Variants in CFAP92 observed in about 807,000 individuals in gnomAD.
CFAP92 encodes cilia and flagella associated protein 92 (putative), also known as uncharacterized protein CFAP92.
A neutral mutation model predicts 106.3 loss-of-function variants in CFAP92; 86 were observed. The ratio of observed to expected loss-of-function variants is 0.81; its 90% CI spans 0.68 to 0.97. CFAP92 has a LOEUF of 0.97. Among genes scored for constraint, CFAP92 ranks in the 50% least tolerant of loss-of-function variants. CFAP92 has a pLI of 0.00. For missense variants in CFAP92, 1,204 were observed against 1,283.8 expected (o/e 0.94, Z 0.95); for synonymous variants, 477 against 506.4 (o/e 0.94, Z 0.78).
upstream of CFAP92, among the ~76,000 whole-genome samples, chr3:129,004,888 G>A (rs117386747): frequency 4.9e-4 from 74 of 152,260 alleles, 2 homozygotes; most frequent in East Asian, 6.8e-3. Flanking sequence ...TTTGGCAGAC[G>A]TGTGAGTGTG....
intron 2 of CFAP92, 79 bp downstream of exon 2, chr3:128,992,964 T>C: frequency 6.6e-7 from 1 of 1,514,244 alleles, no homozygotes; most frequent in Non-Finnish European, 9.1e-7. Context: ...GGATGTGGGG[T>C]GTATGCGCCC....
At chr3:128,963,240 G>T (rs977167722) in intron 9 of CFAP92, among the ~76,000 whole-genome samples, 22 of 152,270 alleles carry the variant, frequency 1.4e-4, no homozygotes, top group African/African-American at 5.1e-4. Context: ...TCCTAGGCAT[G>T]CTTAGTGCGG....
At chr3:129,003,965 C>T (rs1177186801), upstream of CFAP92, 5 of 1,449,990 alleles carry the variant, frequency 3.4e-6, no homozygotes, top group South Asian at 5.3e-5. Flanking sequence ...GGAGGCCCGG[C>T]AGGTGGTGCT....
chr3:128,909,980 T>C lies in CFAP92; in HGVS notation c.*319A>G, dbSNP rs761865368. ...AGGGAGGGACCATGTGGGGGACTGG[T>C]CTAGGTAGTGAGTCCCCACTTGGAG... On this transcript the variant is annotated 3_prime_UTR_variant, in exon 16 of 16. Coordinates refer to ENST00000645291, the MANE Select transcript of CFAP92 (RefSeq NM_001394090.1). The C allele has an allele frequency of 6.2e-7, 1 of 1,609,016 alleles. No homozygotes were observed. Among genetic ancestry groups the C allele is most frequent in the South Asian group, 1.1e-5 (1 of 89,642 alleles).
chr3:128,931,491 ATGTATATG>A (rs1247211112), intron 12 of CFAP92, among the ~76,000 whole-genome samples: 1 of 136,436 alleles, frequency 7.3e-6, no homozygotes, highest in African/African-American at 3.0e-5. Context: ...ATATGTATGT[ATGTATATG>A]TATATATGTA....
intron 15 of CFAP92, chr3:128,912,482 C>T: frequency 6.3e-7 from 1 of 1,596,076 alleles, no homozygotes; most frequent in South Asian, 1.1e-5. Flanking sequence ...AAAGATCACC[C>T]ACCATCTCTC....
chr3:129,015,264 G>A, the CFAP92 span, among the ~76,000 whole-genome samples: 2 of 152,110 alleles, frequency 1.3e-5, no homozygotes, highest in African/African-American at 4.8e-5. Flanking sequence ...GCCTACTCCT[G>A]ACCAATCCAC....
chr3:129,017,745 C>CCT, the CFAP92 span, among the ~76,000 whole-genome samples: 25,467 of 152,042 alleles, frequency 0.17, 6,082 homozygotes, highest in African/African-American at 0.53. Flanking sequence ...GGGATAATCC[C>CCT]GTCTTCTGGT....
intron 12 of CFAP92, among the ~76,000 whole-genome samples, chr3:128,926,963 G>A (rs537539797): frequency 2.2e-4 from 34 of 152,132 alleles, no homozygotes; most frequent in South Asian, 8.3e-4. Context: ...GTGTGGTGGC[G>A]CATGCTTGTA....
rs1373775694 is a variant in CFAP92, at chr3:128,915,185, C to A, written c.3214G>T (p.Asp1072Tyr). The change falls in exon 15 of 16, where the codon GAT becomes TAT. Residue 1072 changes from aspartate to tyrosine, a missense_variant. Coordinates refer to ENST00000645291, the MANE Select transcript of CFAP92 (RefSeq NM_001394090.1). ...WSWDRHHVDF[D>Y]LYKKPPPFLE... ...AAAGGTGGTGGTTTCTTGTACAGAT[C>A]AAAGTCCACGTGGTGCCTGTCCCAG... 6.5e-7 allele frequency: 1 copy of A among 1,536,162 alleles called. No homozygotes were observed. Among genetic ancestry groups the A allele is most frequent in the African/African-American group, 1.4e-5 (1 of 73,154 alleles).
At chr3:128,931,533 A>G (rs1938393223) in intron 12 of CFAP92, among the ~76,000 whole-genome samples, 1 of 149,550 alleles carries the variant, frequency 6.7e-6, no homozygotes, top group African/African-American at 2.4e-5. Context: ...ATGTGTATAT[A>G]TATATATATA....
intron 9 of CFAP92, among the ~76,000 whole-genome samples, chr3:128,957,443 C>A (rs1260607438): frequency 6.6e-6 from 1 of 151,966 alleles, no homozygotes; most frequent in Non-Finnish European, 1.5e-5. Flanking sequence ...TTATGTTATG[C>A]GTTAAATATA....
At position 128,943,875 on chromosome 3, in the gene CFAP92, T is replaced by C. The variant is rs556085237; in HGVS notation, c.2258+1196A>G. Among the ~76,000 whole-genome samples, 7 of 151,580 alleles carry C rather than the reference T, an allele frequency of 4.6e-5. No individual in the cohort carries two copies. The South Asian group carries it at 8.3e-4, about 18-fold the overall frequency. On this transcript the variant is annotated intron_variant, in intron 10 of 15. Coordinates refer to ENST00000645291, the MANE Select transcript of CFAP92 (RefSeq NM_001394090.1). ...ATGGCTCAATTATTCTATGGACTTATTATCTTTTGTTTATCAGTTGATAAA... is the reference window on the plus strand; with the variant it reads ...ATGGCTCAATTATTCTATGGACTTACTATCTTTTGTTTATCAGTTGATAAA...
At chr3:128,972,993 G>C (rs1942911701) in intron 7 of CFAP92, among the ~76,000 whole-genome samples, 1 of 152,162 alleles carries the variant, frequency 6.6e-6, no homozygotes, top group African/African-American at 2.4e-5. Context: ...ATACCCAGCT[G>C]AGGAAGGATT....
intron 15 of CFAP92, 55 bp from the exon 16 acceptor site, chr3:128,910,388 C>G: frequency 7.0e-7 from 1 of 1,434,738 alleles, no homozygotes; most frequent in Non-Finnish European, 9.2e-7. Context: ...CCCCTACCCC[C>G]AGCAAGGGAC....
At chr3:128,972,414 G>A (rs111965308) in intron 7 of CFAP92, among the ~76,000 whole-genome samples, 31,932 of 151,758 alleles carry the variant, frequency 0.21, 3,685 homozygotes, top group Middle Eastern at 0.27. Context: ...GCTAATTTTT[G>A]TATTTTTAAT....
the CFAP92 span, among the ~76,000 whole-genome samples, chr3:129,013,475 C>A: frequency 6.6e-6 from 1 of 152,188 alleles, no homozygotes; most frequent in Admixed American, 6.5e-5. Flanking sequence ...TCTTTCTATC[C>A]TTTATCTTGT....
At chr3:128,934,872 T>A (rs1436634768) in intron 11 of CFAP92, among the ~76,000 whole-genome samples, 1 of 152,070 alleles carries the variant, frequency 6.6e-6, no homozygotes, top group Admixed American at 6.6e-5. Flanking sequence ...GGAGATGAGG[T>A]CTCGCTCTGT....
At chr3:129,007,838 T>A in the CFAP92 span, among the ~76,000 whole-genome samples, 58 of 152,386 alleles carry the variant, frequency 3.8e-4, 1 homozygote, top group South Asian at 6.8e-3. Flanking sequence ...TTCATCCTTA[T>A]CAGTCCTTGT....
Sources: gnomAD v4.1 joint callset for allele counts (sites outside exome capture counted in the v4.1 genomes callset) on GRCh38, gnomAD v4.1.1 for gene constraint, MANE v1.5 for transcripts, NCBI Gene and HGNC (gene_info 2026-07-23, HGNC 2026-07-21) for gene names.